The following BRD8 variants were observed in gnomAD, a reference collection of about 807,000 sequenced individuals.
BRD8 encodes bromodomain-containing protein 8.
A neutral mutation model predicts 143.1 loss-of-function variants in BRD8; 67 were observed. The ratio of observed to expected loss-of-function variants is 0.47; its 90% CI spans 0.38 to 0.57. The LOEUF (loss-of-function observed/expected upper bound fraction) is 0.57. Ranked by LOEUF, BRD8 falls within the 20% of genes least tolerant of loss-of-function variation. BRD8 has a pLI of 0.00. For synonymous variants in BRD8, 505 were observed against 517.1 expected, an observed-to-expected ratio of 0.98 and a Z score of 0.32; for missense variants, 1,103 against 1,503.0, an observed-to-expected ratio of 0.73 and a Z score of 4.40.
rs1752121929 is a variant in BRD8, at chr5:138,145,733, A to G, written c.3368+56T>C. On this transcript the variant is annotated intron_variant, in intron 24 of 26. Coordinates refer to ENST00000254900, the MANE Select transcript of BRD8 (RefSeq NM_139199.2). ...TATCTCCTTTTATGCTTAAACCCCA[A>G]TATGTATTACTGCTTCAGCTCTGAA... The G allele has an allele frequency of 8.5e-5, 123 of 1,445,852 alleles. 3 individuals are homozygous for G. In the South Asian group the frequency reaches 1.3e-3, roughly 16 times the overall value. 89.6% of individuals were successfully genotyped at this position (1,445,852 alleles called of 1,614,324 possible).
chr5:138,172,325 C>A (rs1753932034), intron 2 of BRD8, among the ~76,000 whole-genome samples, 191 bp from the exon 3 acceptor site: 1 of 150,494 alleles, frequency 6.6e-6, no homozygotes. Context: ...GAGATCAATA[C>A]CAACCTGGCC....
Position 138,177,653 on chromosome 5 carries a change from T to C in BRD8, c.34A>G (p.Ser12Gly), listed in dbSNP as rs748880737. 6 of 1,594,880 alleles carry C rather than the reference T, an allele frequency of 3.8e-6. No individual in the cohort carries two copies. The South Asian group carries it at 6.7e-5, about 18-fold the overall frequency. ...GACCATGGCTCTGTGGGGCCAGTGC[T>C]TAGCAGCTTGTGTTCTGGGAAAGGG... ...ATGTGKHKLL[S>G]TGPTEPWSIR... Residue 12 changes from serine to glycine, a missense_variant, in exon 2 of 27, where the codon AGC becomes GGC. Ser to Gly is a moderately conservative substitution (Grantham distance 56, BLOSUM62 0). This residue lies in a region of BRD8 where 69 missense variants were observed against 121.6 expected (regional missense o/e 0.57). Transcript: ENST00000254900.
chr5:138,170,774 TG>T lies in BRD8; in HGVS notation c.440+57del, dbSNP rs1753798944. On this transcript the variant is annotated intron_variant, in intron 6 of 26. Transcript: ENST00000254900. ...ATTGGAGGAAATAAGCCAGATTACT[TG>T]AGGGGAAAAGAGGGTAAAAAGAAAG... 35 of 1,455,094 alleles carry T rather than the reference TG, an allele frequency of 2.4e-5. No homozygotes were observed. In the South Asian group the frequency reaches 4.0e-4, roughly 17 times the overall value. The allele number at this position is 1,455,094 out of a possible 1,614,324, so 90.1% of individuals were successfully genotyped here. A position where few individuals can be genotyped will look rare whatever the true frequency, so the allele number is the denominator to read the frequency against.
intron 12 of BRD8, 83 bp from the exon 13 acceptor site, chr5:138,164,496 A>G: frequency 7.2e-7 from 1 of 1,383,572 alleles, no homozygotes. Context: ...TGATAATGAG[A>G]CCATAGAAGA....
At chr5:138,170,768 A>G (rs1753798401) in intron 6 of BRD8, 64 bp downstream of exon 6, 1 of 1,429,508 alleles carries the variant, frequency 7.0e-7, no homozygotes, top group Non-Finnish European at 9.9e-7. Flanking sequence ...AATAAGCCAG[A>G]TTACTTGAGG....
chr5:138,156,928 T>G, intron 20 of BRD8: 15 of 1,174,380 alleles, frequency 1.3e-5, no homozygotes, highest in East Asian at 4.4e-5. Context: ...ATTTCACTGG[T>G]GGTTGTTTTT....
chr5:138,158,417 T>C (rs529625772), intron 20 of BRD8, among the ~76,000 whole-genome samples: 2 of 152,242 alleles, frequency 1.3e-5, no homozygotes, highest in East Asian at 3.9e-4. Context: ...GCAGCCACTA[T>C]TGATGCAGTG....
At chr5:138,147,039 A>G (rs1752182838) in intron 23 of BRD8, among the ~76,000 whole-genome samples, 1 of 151,330 alleles carries the variant, frequency 6.6e-6, no homozygotes, top group African/African-American at 2.4e-5. Flanking sequence ...ACAGTATGTC[A>G]TCTCTGCACT....
At chr5:138,166,362 CTATTTCTAAGGATATT>C (rs1209763186) in intron 10 of BRD8, 140 bp downstream of exon 10, 2 of 630,826 alleles carry the variant, frequency 3.2e-6, no homozygotes, top group South Asian at 2.0e-5. Context: ...CTTCTCACAT[CTATTTCTAAGGATATT>C]TATTTCTAAG....
intron 25 of BRD8, among the ~76,000 whole-genome samples, chr5:138,143,386 G>A (rs1301556272): frequency 6.6e-6 from 1 of 152,152 alleles, no homozygotes; most frequent in Non-Finnish European, 1.5e-5. Flanking sequence ...GGCTGAAGTG[G>A]GAAGATTGCT....
chr5:138,169,464 C>T, intron 7 of BRD8, 106 bp from the exon 8 acceptor site: 2 of 1,260,626 alleles, frequency 1.6e-6, no homozygotes, highest in Non-Finnish European at 1.1e-6. Context: ...TGTTGCATTA[C>T]TAAAGCAGCA....
intron 23 of BRD8, among the ~76,000 whole-genome samples, chr5:138,147,117 A>T (rs1195234580): frequency 6.6e-6 from 1 of 151,698 alleles, no homozygotes; most frequent in South Asian, 2.1e-4. Context: ...TACATTTTAA[A>T]CTGTATCCTA....
At chr5:138,159,105 T>C (rs901627128) in intron 20 of BRD8, among the ~76,000 whole-genome samples, 3 of 152,280 alleles carry the variant, frequency 2.0e-5, no homozygotes, top group African/African-American at 4.8e-5. Context: ...CTGAGTTCTT[T>C]AGCTTAAATT....
intron 25 of BRD8, among the ~76,000 whole-genome samples, chr5:138,144,304 C>G (rs1309190527): frequency 1.3e-5 from 2 of 152,090 alleles, no homozygotes; most frequent in African/African-American, 2.4e-5. Context: ...ACAAACCCAC[C>G]GGGAGGAAGA....
intron 2 of BRD8, chr5:138,172,665 C>CAAAAAAA (rs147364810): frequency 2.3e-5 from 5 of 216,724 alleles, no homozygotes; most frequent in Admixed American, 8.5e-5. Context: ...CCCATCCCTA[C>CAAAAAAA]AAAAAAAAAA....
chr5:138,153,442 T>C (rs1215634958), intron 20 of BRD8, among the ~76,000 whole-genome samples: 1 of 152,128 alleles, frequency 6.6e-6, no homozygotes, highest in Non-Finnish European at 1.5e-5. Context: ...AAAATGTATA[T>C]ATACTTTGAG....
intron 23 of BRD8, among the ~76,000 whole-genome samples, chr5:138,147,432 A>C (rs1455458447): frequency 6.6e-6 from 1 of 151,344 alleles, no homozygotes; most frequent in Non-Finnish European, 1.5e-5. Flanking sequence ...ATACTGAAGA[A>C]AAAAAAAACA....
chr5:138,159,643 C>T, intron 19 of BRD8, 44 bp from the exon 20 acceptor site: 3 of 1,600,596 alleles, frequency 1.9e-6, no homozygotes, highest in Middle Eastern at 1.7e-4. Flanking sequence ...CACAGAAACT[C>T]TCAGCCACAA....
In BRD8 at chr5:138,163,190, GC is replaced by G; in HGVS notation, c.2026del (p.Ala676LeufsTer65). The part of the protein sequence containing the change: ...ESDDGFSIHN[A>X]TLQSHTLADS... ...TGCCAGTGTGTGTGACTGCAGTGTAGCATTGTGTATGCTGAAGCCATCATCA... is the reference window on the plus strand; with the variant it reads ...TGCCAGTGTGTGTGACTGCAGTGTAGATTGTGTATGCTGAAGCCATCATCA... On this transcript the variant is annotated frameshift_variant, in exon 15 of 27. Transcript: ENST00000254900. LOFTEE classifies it high-confidence loss of function. 1 of 1,614,090 alleles carries G rather than the reference GC, an allele frequency of 6.2e-7. No individual in the cohort carries two copies. Among genetic ancestry groups the G allele is most frequent in the Non-Finnish European group, 8.5e-7 (1 of 1,180,020 alleles).
Sources: allele counts gnomAD v4.1 joint callset (sites outside exome capture counted in the v4.1 genomes callset), GRCh38; gene constraint gnomAD v4.1.1; regional missense constraint gnomAD v4.1.1; transcripts MANE v1.5; gene names NCBI Gene and HGNC (gene_info 2026-07-23, HGNC 2026-07-21).